The following ARHGAP15 variants were observed in gnomAD, a reference collection of about 807,000 sequenced individuals.
ARHGAP15 encodes the protein Rho GTPase activating protein 15, also known as rho GTPase-activating protein 15.
Under a neutral mutation model 63.7 loss-of-function variants are expected in ARHGAP15, and 51 were observed. The ratio of observed to expected loss-of-function variants is 0.80; its 90% CI spans 0.64 to 1.01. The LOEUF (loss-of-function observed/expected upper bound fraction) is 1.01, where lower values mean the gene tolerates loss of function less well. Ranked by LOEUF, ARHGAP15 falls within the 50% of genes least tolerant of loss-of-function variation. ARHGAP15 has a pLI of 0.00. For missense variants in ARHGAP15, 560 were observed against 564.6 expected, an observed-to-expected ratio of 0.99 and a Z score of 0.08; for synonymous variants, 191 against 193.8, an observed-to-expected ratio of 0.99 and a Z score of 0.12.
At chr2:143,705,636 T>C (rs1241667359) in intron 13 of ARHGAP15, among the ~76,000 whole-genome samples, 1 of 152,164 alleles carries the variant, frequency 6.6e-6, no homozygotes, top group East Asian at 1.9e-4. Flanking sequence ...GACAAAGTCA[T>C]AAAACAAATG....
chr2:143,544,066 A>AT (rs1243207377), intron 10 of ARHGAP15, among the ~76,000 whole-genome samples: 3 of 152,202 alleles, frequency 2.0e-5, no homozygotes, highest in Non-Finnish European at 2.9e-5. Flanking sequence ...AGCCAATGGT[A>AT]TAAATTGTCC....
At chr2:143,699,886 C>T (rs980716194) in intron 12 of ARHGAP15, among the ~76,000 whole-genome samples, 1 of 152,160 alleles carries the variant, frequency 6.6e-6, no homozygotes, top group African/African-American at 2.4e-5. Flanking sequence ...AACAAAACTA[C>T]ACTTTTAGAT....
chr2:143,395,906 G>A (rs987893566), intron 6 of ARHGAP15, among the ~76,000 whole-genome samples: 2 of 151,928 alleles, frequency 1.3e-5, no homozygotes, highest in Non-Finnish European at 2.9e-5. Flanking sequence ...GTTTTGGCAA[G>A]CAGAGACAAG....
chr2:143,495,471 A>G (rs79467093), intron 9 of ARHGAP15, among the ~76,000 whole-genome samples: 2,539 of 150,756 alleles, frequency 0.017, 67 homozygotes, highest in African/African-American at 0.059. Flanking sequence ...TTTTCTAACT[A>G]CACTCACTTA....
At chr2:143,668,205 T>A (rs1682330926) in intron 12 of ARHGAP15, among the ~76,000 whole-genome samples, 1 of 151,910 alleles carries the variant, frequency 6.6e-6, no homozygotes, top group African/African-American at 2.4e-5. Context: ...CAGATTTATC[T>A]GGATCTTGAC....
chr2:143,735,750 T>G (rs1409040700), intron 13 of ARHGAP15, among the ~76,000 whole-genome samples: 5 of 151,898 alleles, frequency 3.3e-5, no homozygotes, highest in Admixed American at 6.6e-5. Context: ...GAAGAATGAC[T>G]AGAAGTCAAA....
At chr2:143,661,224 C>G (rs1016365567) in intron 12 of ARHGAP15, among the ~76,000 whole-genome samples, 1 of 152,170 alleles carries the variant, frequency 6.6e-6, no homozygotes, top group African/African-American at 2.4e-5. Flanking sequence ...ACCTCAAAGT[C>G]CTTAACTTGA....
intron 1 of ARHGAP15, among the ~76,000 whole-genome samples, chr2:143,153,831 T>C (rs373186778): frequency 0.13 from 8,423 of 62,832 alleles, 480 homozygotes; most frequent in Middle Eastern, 0.19. Context: ...CTTCTTCTTC[T>C]TCTTCTTCTT....
chr2:143,146,718 CTT>C (rs1433972927), intron 1 of ARHGAP15, among the ~76,000 whole-genome samples: 2 of 151,992 alleles, frequency 1.3e-5, no homozygotes, highest in African/African-American at 4.8e-5. Flanking sequence ...ACTCTGAAAA[CTT>C]TTATTTTAAT....
intron 6 of ARHGAP15, among the ~76,000 whole-genome samples, chr2:143,374,456 A>C (rs887635361): frequency 1.3e-5 from 2 of 151,936 alleles, no homozygotes; most frequent in Admixed American, 6.6e-5. Context: ...TTTACATGTC[A>C]GCACTCGTAA....
At chr2:143,281,417 T>C (rs981255024) in intron 6 of ARHGAP15, among the ~76,000 whole-genome samples, 1 of 152,160 alleles carries the variant, frequency 6.6e-6, no homozygotes, top group African/African-American at 2.4e-5. Context: ...TAGGATATAA[T>C]ATAATAGGAT....
At chr2:143,398,442 G>C (rs1687862887) in intron 6 of ARHGAP15, among the ~76,000 whole-genome samples, 1 of 151,986 alleles carries the variant, frequency 6.6e-6, no homozygotes, top group African/African-American at 2.4e-5. Flanking sequence ...AAACACTGAG[G>C]CACACTCAGT....
At chr2:143,723,129 G>T (rs1374956260) in intron 13 of ARHGAP15, among the ~76,000 whole-genome samples, 1 of 152,314 alleles carries the variant, frequency 6.6e-6, no homozygotes. Context: ...AACATGCTGT[G>T]CAGGTTTATA....
At chr2:143,358,188 C>A (rs1239981697) in intron 6 of ARHGAP15, among the ~76,000 whole-genome samples, 1 of 152,168 alleles carries the variant, frequency 6.6e-6, no homozygotes, top group Admixed American at 6.5e-5. Flanking sequence ...CTTGTAGTCA[C>A]ACTTACCTTC....
intron 6 of ARHGAP15, among the ~76,000 whole-genome samples, chr2:143,407,024 G>A (rs1281586690): frequency 6.6e-6 from 1 of 151,928 alleles, no homozygotes; most frequent in Non-Finnish European, 1.5e-5. Context: ...TAGAAATGGA[G>A]TCTAGCTGAG....
intron 6 of ARHGAP15, among the ~76,000 whole-genome samples, chr2:143,342,413 T>C (rs1427251112): frequency 6.6e-6 from 1 of 152,116 alleles, no homozygotes; most frequent in African/African-American, 2.4e-5. Flanking sequence ...TTTTGTGCTA[T>C]TAATAAAGCC....
At chr2:143,301,208 C>T (rs1385897995) in intron 6 of ARHGAP15, among the ~76,000 whole-genome samples, 3 of 151,856 alleles carry the variant, frequency 2.0e-5, no homozygotes, top group Non-Finnish European at 4.4e-5. Flanking sequence ...CATTCCTTTT[C>T]ACTATTTACT....
At chr2:143,318,717 G>A (rs1243869999) in intron 6 of ARHGAP15, among the ~76,000 whole-genome samples, 1 of 151,856 alleles carries the variant, frequency 6.6e-6, no homozygotes, top group African/African-American at 2.4e-5. Context: ...CATGATGAGG[G>A]TTAAATGACA....
At chr2:143,498,700 T>C (rs963914726) in intron 9 of ARHGAP15, among the ~76,000 whole-genome samples, 2 of 152,070 alleles carry the variant, frequency 1.3e-5, no homozygotes, top group Non-Finnish European at 2.9e-5. Context: ...GGAAACGATT[T>C]GATTGAAGTG....
Sources: gnomAD v4.1 joint callset for allele counts (sites outside exome capture counted in the v4.1 genomes callset) on GRCh38, gnomAD v4.1.1 for gene constraint, MANE v1.5 for transcripts, NCBI Gene and HGNC (gene_info 2026-07-23, HGNC 2026-07-21) for gene names.